The following ADARB2 variants were observed in gnomAD, a reference collection of about 807,000 sequenced individuals.
ADARB2 encodes the protein adenosine deaminase RNA specific B2 (inactive), also known as inactive double-stranded RNA-specific editase B2.
In ADARB2, 25 loss-of-function variants were observed where a neutral mutation model predicts 62.2. The observed-to-expected ratio is 0.40, with a 90% confidence interval of 0.29 to 0.56. ADARB2 has a LOEUF of 0.56. Among genes scored for constraint, ADARB2 ranks in the 20% least tolerant of loss-of-function variants. ADARB2 has a pLI of 0.43. For synonymous variants in ADARB2, 572 were observed against 500.8 expected (o/e 1.14, Z -1.90); for missense variants, 1,071 against 1,077.4 (o/e 0.99, Z 0.08).
chr10:1,220,224 G>A (rs1385329547), intron 6 of ADARB2, among the ~76,000 whole-genome samples: 2 of 140,168 alleles, frequency 1.4e-5, no homozygotes, highest in African/African-American at 5.3e-5. Flanking sequence ...TGATGGTGAT[G>A]GTGATGATGG....
chr10:1,342,417 C>T (rs1199379931), intron 3 of ADARB2, among the ~76,000 whole-genome samples: 1 of 152,210 alleles, frequency 6.6e-6, no homozygotes. Flanking sequence ...TTAAACATTA[C>T]AGCATCGAGA....
intron 1 of ADARB2, among the ~76,000 whole-genome samples, chr10:1,427,790 CTTTA>C (rs1200866235): frequency 6.6e-6 from 1 of 152,190 alleles, no homozygotes; most frequent in Non-Finnish European, 1.5e-5. Flanking sequence ...TTTATAGCAG[CTTTA>C]TTTATAATAG....
At chr10:1,713,093 A>G (rs1465509965) in intron 1 of ADARB2, among the ~76,000 whole-genome samples, 1 of 152,180 alleles carries the variant, frequency 6.6e-6, no homozygotes, top group Non-Finnish European at 1.5e-5. Context: ...GAAAAAAAGC[A>G]TAGTTGTTAG....
intron 7 of ADARB2, among the ~76,000 whole-genome samples, chr10:1,207,848 T>C (rs1837090168): frequency 6.6e-6 from 1 of 152,214 alleles, no homozygotes; most frequent in Non-Finnish European, 1.5e-5. Flanking sequence ...CAATGTTTGA[T>C]TAATCTTAGA....
chr10:1,550,697 G>T (rs1388316062), intron 1 of ADARB2, among the ~76,000 whole-genome samples: 1 of 152,154 alleles, frequency 6.6e-6, no homozygotes, highest in Non-Finnish European at 1.5e-5. Context: ...ATTTGTTAGG[G>T]TCGTGGGAGC....
intron 1 of ADARB2, among the ~76,000 whole-genome samples, chr10:1,697,936 G>C (rs1262131893): frequency 6.6e-6 from 1 of 152,228 alleles, no homozygotes; most frequent in Admixed American, 6.5e-5. Flanking sequence ...TTACTGGGCT[G>C]TGAGGAGCGG....
At chr10:1,357,026 C>T (rs1832202562) in intron 3 of ADARB2, among the ~76,000 whole-genome samples, 1 of 152,214 alleles carries the variant, frequency 6.6e-6, no homozygotes, top group African/African-American at 2.4e-5. Flanking sequence ...CCCCCACTCA[C>T]AGCAAGCCCT....
chr10:1,447,651 G>A (rs1240462129), intron 1 of ADARB2, among the ~76,000 whole-genome samples: 2 of 152,118 alleles, frequency 1.3e-5, no homozygotes, highest in African/African-American at 4.8e-5. Context: ...TGTCACGGGG[G>A]TTTGCTGTAC....
intron 1 of ADARB2, among the ~76,000 whole-genome samples, chr10:1,460,804 T>C (rs112547442): frequency 0.074 from 1,807 of 24,420 alleles, 33 homozygotes; most frequent in Non-Finnish European, 0.087. Context: ...AGCAAACCTG[T>C]CTGTGACCTG....
chr10:1,233,836 G>A lies in ADARB2; in HGVS notation c.1371C>T (p.Arg457=), dbSNP rs754708655. 35 of 1,613,404 alleles carry A rather than the reference G, an allele frequency of 2.2e-5. No individual in the cohort carries two copies. The highest frequency in any genetic ancestry group is 4.0e-5 in the African/African-American group (3 of 74,856). ...TQLELHLSKR[R]EDSERSIFVR... ...CGAATATCGATCGCTCTGAGTCCTC[G>A]CGCCGCTTGCTAGGGTCACAAAGAG... is the stretch of plus-strand genomic sequence containing the variant. Residue 457 remains arginine (R), a synonymous_variant, in exon 6 of 10, where the codon CGC becomes CGT. Coordinates refer to ENST00000381312, the MANE Select transcript of ADARB2 (RefSeq NM_018702.4).
chr10:1,622,927 G>A (rs1324172297), intron 1 of ADARB2, among the ~76,000 whole-genome samples: 8 of 152,236 alleles, frequency 5.3e-5, no homozygotes, highest in South Asian at 2.1e-4. Context: ...CACCACAAAC[G>A]TCCATCAACA....
At chr10:1,241,253 C>G (rs1279110286) in intron 5 of ADARB2, among the ~76,000 whole-genome samples, 2 of 151,762 alleles carry the variant, frequency 1.3e-5, no homozygotes, top group Admixed American at 1.3e-4. Context: ...AGCAAGACTC[C>G]ATCTCAAAAA....
intron 5 of ADARB2, among the ~76,000 whole-genome samples, chr10:1,239,994 C>T (rs1336650624): frequency 7.3e-5 from 1 of 13,688 alleles, no homozygotes; most frequent in African/African-American, 6.1e-4. Flanking sequence ...CTCTGCCTCC[C>T]GGTGTTTACT....
chr10:1,490,287 A>G (rs1371717752), intron 1 of ADARB2, among the ~76,000 whole-genome samples: 2 of 152,216 alleles, frequency 1.3e-5, no homozygotes, highest in African/African-American at 4.8e-5. Context: ...ATAGTATACT[A>G]TAGATTATAT....
At chr10:1,586,437 T>A (rs1458203465) in intron 1 of ADARB2, among the ~76,000 whole-genome samples, 1 of 152,178 alleles carries the variant, frequency 6.6e-6, no homozygotes, top group Non-Finnish European at 1.5e-5. Flanking sequence ...AGCCCACATT[T>A]TCAGATGCAT....
intron 4 of ADARB2, 42 bp downstream of exon 4, chr10:1,270,913 T>C (rs369628894): frequency 3.3e-4 from 514 of 1,563,806 alleles, no homozygotes; most frequent in Non-Finnish European, 4.0e-4. Flanking sequence ...TGCTCCTTTC[T>C]TTAGAGATGA....
chr10:1,553,814 A>C (rs1184465564), intron 1 of ADARB2, among the ~76,000 whole-genome samples: 1 of 152,190 alleles, frequency 6.6e-6, no homozygotes, highest in Non-Finnish European at 1.5e-5. Context: ...ATAACGAGCT[A>C]CAGAGGCCAC....
At chr10:1,445,474 C>A (rs1830959279) in intron 1 of ADARB2, among the ~76,000 whole-genome samples, 1 of 151,848 alleles carries the variant, frequency 6.6e-6, no homozygotes, top group Non-Finnish European at 1.5e-5. Flanking sequence ...CCCACCCATC[C>A]ATTCACCACC....
chr10:1,282,655 GT>G (rs1156691916), intron 3 of ADARB2, among the ~76,000 whole-genome samples: 1 of 152,226 alleles, frequency 6.6e-6, no homozygotes, highest in African/African-American at 2.4e-5. Context: ...TTGCAATAAT[GT>G]GATTTTCTTC....
Sources: allele counts gnomAD v4.1 joint callset (sites outside exome capture counted in the v4.1 genomes callset), GRCh38; gene constraint gnomAD v4.1.1; transcripts MANE v1.5; gene names NCBI Gene and HGNC (gene_info 2026-07-23, HGNC 2026-07-21).